Variants in ADAMTS12 observed in about 807,000 individuals in gnomAD.
ADAMTS12 encodes A disintegrin and metalloproteinase with thrombospondin motifs 12.
In ADAMTS12, 118 loss-of-function variants were observed where a neutral mutation model predicts 167.8. The observed-to-expected ratio is 0.70, with a 90% CI of 0.61 to 0.82. The LOEUF is 0.82. Ranked by LOEUF, ADAMTS12 falls within the 40% of genes least tolerant of loss-of-function variation. The pLI, the probability that ADAMTS12 is intolerant of heterozygous loss-of-function variation, is 0.00. For synonymous variants in ADAMTS12, 704 were observed against 716.9 expected, an observed-to-expected ratio of 0.98 and a Z score of 0.29; for missense variants, 1,916 against 1,998.8, an observed-to-expected ratio of 0.96 and a Z score of 0.79.
intron 18 of ADAMTS12, among the ~76,000 whole-genome samples, chr5:33,586,603 C>A (rs1747364959): frequency 6.6e-6 from 1 of 152,246 alleles, no homozygotes; most frequent in Admixed American, 6.5e-5. Flanking sequence ...TCAGCCAAAT[C>A]TGTAATTGCA....
At chr5:33,838,126 A>G (rs1008334622) in intron 2 of ADAMTS12, among the ~76,000 whole-genome samples, 1 of 152,224 alleles carries the variant, frequency 6.6e-6, no homozygotes, top group East Asian at 1.9e-4. Flanking sequence ...GGACTCACAC[A>G]GGTGTGGTGT....
At position 33,570,143 on chromosome 5, in the gene ADAMTS12, G is replaced by T. The variant is rs1005319933; in HGVS notation, c.3972+5911C>A. 2.0e-5 allele frequency among the ~76,000 whole-genome samples: 3 copies of T among 152,234 alleles called. No homozygotes were observed. In the South Asian group the frequency reaches 6.2e-4, roughly 32 times the overall value. On this transcript the variant is annotated intron_variant, in intron 19 of 23. Coordinates refer to ENST00000504830, the MANE Select transcript of ADAMTS12 (RefSeq NM_030955.4). Reference sequence around the variant, plus strand: ...GATTGGTGTACATGAAAGTGACGGGGAGAATGGAACCAAGTTGGAAAACAC... The same window carrying T: ...GATTGGTGTACATGAAAGTGACGGGTAGAATGGAACCAAGTTGGAAAACAC...
At chr5:33,783,499 A>C (rs1746216733) in intron 2 of ADAMTS12, among the ~76,000 whole-genome samples, 1 of 151,888 alleles carries the variant, frequency 6.6e-6, no homozygotes, top group Admixed American at 6.6e-5. Flanking sequence ...CTGAGCAAAA[A>C]GAAAAATAAA....
At chr5:33,550,887 T>C (rs1050181825) in intron 20 of ADAMTS12, among the ~76,000 whole-genome samples, 21 of 152,040 alleles carry the variant, frequency 1.4e-4, no homozygotes, top group African/African-American at 4.6e-4. Flanking sequence ...TGAATCAACA[T>C]TGAATTATGA....
chr5:33,643,532 T>C, intron 9 of ADAMTS12, 62 bp from the exon 10 acceptor site: 1 of 1,446,406 alleles, frequency 6.9e-7, no homozygotes, highest in South Asian at 1.1e-5. Context: ...TTTCTATAGT[T>C]ACAGTAAAAT....
At chr5:33,699,560 C>T (rs1323778666) in intron 3 of ADAMTS12, among the ~76,000 whole-genome samples, 1 of 152,092 alleles carries the variant, frequency 6.6e-6, no homozygotes, top group Non-Finnish European at 1.5e-5. Flanking sequence ...AATTTGACAT[C>T]ATTAAAATTA....
intron 2 of ADAMTS12, chr5:33,840,108 T>A (rs1051636196): frequency 6.6e-6 from 1 of 152,184 alleles, no homozygotes; most frequent in Non-Finnish European, 1.5e-5. Flanking sequence ...CAAATCTCCA[T>A]GAAGGAAGAA....
intron 2 of ADAMTS12, among the ~76,000 whole-genome samples, chr5:33,755,702 A>G (rs1453376103): frequency 6.6e-6 from 1 of 152,204 alleles, no homozygotes; most frequent in Non-Finnish European, 1.5e-5. Context: ...AGAGCCAATG[A>G]TAGTGTAAAA....
In ADAMTS12 at chr5:33,561,085, G is replaced by A; in HGVS notation, c.4067C>T (p.Pro1356Leu). Residue 1356 changes from proline (P) to leucine (L), a missense_variant, in exon 20 of 24, where the codon CCT becomes CTT. Coordinates refer to ENST00000504830, the MANE Select transcript of ADAMTS12 (RefSeq NM_030955.4). ...GGGACGGAGGTGGCATCTTTTTGCA[G>A]GGTCAGGTCTCTGGATGGCCGCACA... is the stretch of plus-strand genomic sequence containing the variant. ...SDCAAIQRPD[P>L]AKRCHLRPCA... 6.2e-7 allele frequency: 1 copy of A among 1,614,180 alleles called. No individual in the cohort carries two copies. The highest frequency in any genetic ancestry group is 8.5e-7 in the Non-Finnish European group (1 of 1,180,028).
intron 2 of ADAMTS12, among the ~76,000 whole-genome samples, chr5:33,865,933 T>C (rs1168567852): frequency 6.6e-6 from 1 of 152,004 alleles, no homozygotes; most frequent in Non-Finnish European, 1.5e-5. Flanking sequence ...AGGAGAACTA[T>C]AAAACACTGC....
chr5:33,661,305 T>C (rs151207133), intron 6 of ADAMTS12, among the ~76,000 whole-genome samples: 35 of 152,294 alleles, frequency 2.3e-4, no homozygotes, highest in African/African-American at 7.7e-4. Context: ...AGAAAGTTCA[T>C]TGGATTTTTA....
intron 2 of ADAMTS12, among the ~76,000 whole-genome samples, chr5:33,824,857 A>C (rs113937798): frequency 1.2e-3 from 175 of 152,154 alleles, no homozygotes; most frequent in Admixed American, 4.6e-3. Context: ...CTCCTAGAAG[A>C]CTCTCAGCTC....
chr5:33,813,524 TTGAC>T (rs1348682092), intron 2 of ADAMTS12, among the ~76,000 whole-genome samples: 1 of 152,198 alleles, frequency 6.6e-6, no homozygotes, highest in Non-Finnish European at 1.5e-5. Context: ...GGCTAAGCCA[TTGAC>T]TACTTTGATC....
At position 33,891,980 on chromosome 5, in the gene ADAMTS12, A is replaced by C; in HGVS notation, c.-124T>G. 1 of 1,239,502 alleles carries C rather than the reference A, an allele frequency of 8.1e-7. No homozygotes were observed. Among genetic ancestry groups the C allele is most frequent in the Non-Finnish European group, 1.1e-6 (1 of 897,106 alleles). The allele number at this position is 1,239,502 out of a possible 1,614,324, so 76.8% of individuals were successfully genotyped here. A position where few individuals can be genotyped will look rare whatever the true frequency, so the allele number is the denominator to read the frequency against. On this transcript the variant is annotated 5_prime_UTR_variant, in exon 1 of 24. Coordinates refer to ENST00000504830, the MANE Select transcript of ADAMTS12 (RefSeq NM_030955.4). ...CATGGTCAGGCGCGAGAAGGCAGCG[A>C]CTGCAAAGCTGCCCGCGATCTCCCT...
At chr5:33,622,782 G>A (rs972927161) in intron 14 of ADAMTS12, among the ~76,000 whole-genome samples, 5 of 152,334 alleles carry the variant, frequency 3.3e-5, no homozygotes, top group African/African-American at 1.2e-4. Flanking sequence ...CCTTTGTAAA[G>A]CTTGTAAAAA....
At chr5:33,630,195 T>G (rs1420462713) in intron 13 of ADAMTS12, among the ~76,000 whole-genome samples, 1 of 152,202 alleles carries the variant, frequency 6.6e-6, no homozygotes, top group Non-Finnish European at 1.5e-5. Context: ...TGCTCCTCAG[T>G]TCCTTGCAAA....
Position 33,643,274 on chromosome 5 carries a change from T to A in ADAMTS12, c.1572+104A>T, listed in dbSNP as rs1054052023. The stretch of plus-strand genomic sequence containing the variant: ...GTCTGACTGTTTGACCTCCATCCAC[T>A]GCTCTTCCCTTAGAGAGAGTTGCCC... On this transcript the variant is annotated intron_variant, in intron 10 of 23. Coordinates refer to ENST00000504830, the MANE Select transcript of ADAMTS12 (RefSeq NM_030955.4). 1.5e-5 allele frequency: 17 copies of A among 1,140,198 alleles called. No individual in the cohort carries two copies. The East Asian group carries it at 2.4e-4, about 16-fold the overall frequency. 70.6% of individuals were successfully genotyped at this position (1,140,198 alleles called of 1,614,324 possible).
chr5:33,768,426 T>G (rs1474925849), intron 2 of ADAMTS12, among the ~76,000 whole-genome samples: 2 of 152,206 alleles, frequency 1.3e-5, no homozygotes, highest in Non-Finnish European at 2.9e-5. Flanking sequence ...AAAGCCCTTT[T>G]AAATCATAAG....
intron 3 of ADAMTS12, among the ~76,000 whole-genome samples, chr5:33,735,837 A>G (rs1413224568): frequency 6.6e-6 from 1 of 152,226 alleles, no homozygotes; most frequent in Non-Finnish European, 1.5e-5. Context: ...TCTGGTGCCC[A>G]GGAACATCCT....
Sources: allele counts gnomAD v4.1 joint callset (sites outside exome capture counted in the v4.1 genomes callset), GRCh38; gene constraint gnomAD v4.1.1; transcripts MANE v1.5; gene names NCBI Gene and HGNC (gene_info 2026-07-23, HGNC 2026-07-21).